Variants in ICE2 observed in about 807,000 individuals in gnomAD.
The protein encoded by ICE2 is interactor of little elongation complex ELL subunit 2, also known as little elongation complex subunit 2.
Under a neutral mutation model 105.4 loss-of-function variants are expected in ICE2, and 87 were observed. The ratio of observed to expected loss-of-function variants is 0.83; its 90% CI spans 0.69 to 0.99. The LOEUF (loss-of-function observed/expected upper bound fraction) is 0.99. Ranked by LOEUF, ICE2 falls within the 50% of genes least tolerant of loss-of-function variation. The pLI is 0.00. For synonymous variants in ICE2, 399 were observed against 392.0 expected, an observed-to-expected ratio of 1.02 and a Z score of -0.21; for missense variants, 1,323 against 1,146.7, an observed-to-expected ratio of 1.15 and a Z score of -2.22.
At chr15:60,424,569 G>A (rs1018377790) in intron 15 of ICE2, among the ~76,000 whole-genome samples, 3 of 152,062 alleles carry the variant, frequency 2.0e-5, no homozygotes, top group Non-Finnish European at 4.4e-5. Flanking sequence ...GACAGTTGGC[G>A]CGATCTCTGC....
rs750649398 is a variant in ICE2 at position 60,447,959 on chromosome 15, T to A, written c.2295+11A>T. ...TGTGATCATATTCTAACTCCGCAAA[T>A]AACAACTTACTCTTCTGATTTTCTT... On this transcript the variant is annotated intron_variant, in intron 11 of 15. Transcript: ENST00000261520. 1.2e-6 allele frequency: 2 copies of A among 1,601,620 alleles called. No individual in the cohort carries two copies. Among genetic ancestry groups the A allele is most frequent in the East Asian group, 4.5e-5 (2 of 44,708 alleles).
intron 4 of ICE2, 62 bp from the exon 5 acceptor site, chr15:60,466,775 C>CTTT: frequency 2.3e-6 from 3 of 1,308,932 alleles, no homozygotes; most frequent in Non-Finnish European, 3.2e-6. Context: ...GAATCACATT[C>CTTT]TTAATCATTG....
At chr15:60,455,513 T>C (rs2064083294) in intron 6 of ICE2, 71 bp from the exon 7 acceptor site, 5 of 962,112 alleles carry the variant, frequency 5.2e-6, no homozygotes, top group Non-Finnish European at 8.1e-6. Flanking sequence ...GTATCTTTCA[T>C]CATATGAAAC....
At chr15:60,478,183 A>G (rs561553801) in intron 1 of ICE2, 114 bp from the exon 2 acceptor site, 5 of 590,800 alleles carry the variant, frequency 8.5e-6, no homozygotes, top group Admixed American at 2.9e-5. Flanking sequence ...GTGGCACCTA[A>G]AACAGAATAC....
chr15:60,453,556 GATAAACAAGTACATTCCCC>G (rs774624817), intron 9 of ICE2, 28 bp downstream of exon 9: 121 of 1,593,328 alleles, frequency 7.6e-5, no homozygotes, highest in Middle Eastern at 4.0e-4. Context: ...GCTTCAAAAG[GATAAACAAGTACATTCCCC>G]TTAGGGGAAA....
chr15:60,450,339 T>A (rs1172330966), intron 9 of ICE2, among the ~76,000 whole-genome samples: 2 of 152,200 alleles, frequency 1.3e-5, no homozygotes, highest in Non-Finnish European at 2.9e-5. Flanking sequence ...CCAGTGACTT[T>A]CTTTCCACAA....
chr15:60,448,338 C>T (rs1207907795), intron 10 of ICE2, among the ~76,000 whole-genome samples, 193 bp from the exon 11 acceptor site: 4 of 152,270 alleles, frequency 2.6e-5, no homozygotes, highest in Middle Eastern at 6.8e-3. Context: ...GAAATCCTAG[C>T]TTTAAGGTTC....
intron 11 of ICE2, among the ~76,000 whole-genome samples, chr15:60,445,996 A>C (rs1315195200): frequency 6.6e-6 from 1 of 152,198 alleles, no homozygotes; most frequent in Non-Finnish European, 1.5e-5. Context: ...AGGCAGGAAA[A>C]ATTAGCAAAT....
At chr15:60,453,485 G>A in intron 9 of ICE2, 118 bp downstream of exon 9, 1 of 1,451,406 alleles carries the variant, frequency 6.9e-7, no homozygotes, top group Non-Finnish European at 9.1e-7. Context: ...TTCAATTTCA[G>A]TTTGAATCTA....
At chr15:60,452,890 C>G in intron 9 of ICE2, 1 of 985,380 alleles carries the variant, frequency 1.0e-6, no homozygotes, top group Non-Finnish European at 1.2e-6. Flanking sequence ...AAAATACTTT[C>G]TGTAACAATC....
chr15:60,474,963 C>CA (rs1427913709), intron 3 of ICE2, among the ~76,000 whole-genome samples: 2 of 151,830 alleles, frequency 1.3e-5, no homozygotes, highest in African/African-American at 4.8e-5. Flanking sequence ...TCTTCAAAAA[C>CA]AAAACAAAAA....
intron 15 of ICE2, among the ~76,000 whole-genome samples, chr15:60,427,748 A>G (rs1394767179): frequency 8.5e-5 from 13 of 152,166 alleles, no homozygotes; most frequent in Admixed American, 8.5e-4. Flanking sequence ...ACTAAACTCG[A>G]ACTGGAATTT....
At chr15:60,448,683 T>C (rs1645810807) in intron 10 of ICE2, among the ~76,000 whole-genome samples, 165 bp downstream of exon 10, 1 of 152,182 alleles carries the variant, frequency 6.6e-6, no homozygotes, top group African/African-American at 2.4e-5. Flanking sequence ...CTAGAGAGGA[T>C]TATTTTGGAA....
intron 9 of ICE2, chr15:60,452,738 A>C: frequency 2.6e-6 from 1 of 381,668 alleles, no homozygotes; most frequent in Non-Finnish European, 3.6e-6. Context: ...ATATGTACAA[A>C]TTCATTTAAA....
At chr15:60,436,555 G>A (rs914435031) in intron 12 of ICE2, among the ~76,000 whole-genome samples, 5 of 151,372 alleles carry the variant, frequency 3.3e-5, no homozygotes, top group African/African-American at 1.2e-4. Context: ...TCCTATTAAA[G>A]TTACATTTAA....
At chr15:60,465,652 A>G (rs1227560264) in intron 5 of ICE2, among the ~76,000 whole-genome samples, 1 of 152,094 alleles carries the variant, frequency 6.6e-6, no homozygotes, top group Non-Finnish European at 1.5e-5. Flanking sequence ...GACCAGCTTT[A>G]AAGGCTTAAA....
At chr15:60,435,525 G>A (rs1335781084) in intron 13 of ICE2, among the ~76,000 whole-genome samples, 1 of 151,724 alleles carries the variant, frequency 6.6e-6, no homozygotes, top group Non-Finnish European at 1.5e-5. Context: ...CTTGAACCCA[G>A]GAGGTGGAGG....
At chr15:60,433,538 T>G (rs1455445386) in intron 13 of ICE2, among the ~76,000 whole-genome samples, 1 of 151,804 alleles carries the variant, frequency 6.6e-6, no homozygotes, top group African/African-American at 2.4e-5. Flanking sequence ...TTTGCCCAGG[T>G]TGAAGTGCGG....
At chr15:60,453,301 G>A (rs1398292578) in intron 9 of ICE2, 1 of 1,098,604 alleles carries the variant, frequency 9.1e-7, no homozygotes, top group Non-Finnish European at 1.1e-6. Flanking sequence ...CCACCATCAA[G>A]GAGTTTTCAC....
Sources: allele counts gnomAD v4.1 joint callset (sites outside exome capture counted in the v4.1 genomes callset), GRCh38; gene constraint gnomAD v4.1.1; transcripts MANE v1.5; gene names NCBI Gene and HGNC (gene_info 2026-07-23, HGNC 2026-07-21).